HTR1A: variants seen among roughly 807,000 people sequenced by gnomAD.
HTR1A encodes the protein 5-hydroxytryptamine receptor 1A.
HTR1A carries 17 observed loss-of-function variants against 24.6 expected under a neutral mutation model. That is an observed-to-expected ratio of 0.69 (90% confidence interval 0.47 to 1.04). HTR1A has a LOEUF of 1.04. Ranked by LOEUF, HTR1A falls within the 50% of genes least tolerant of loss-of-function variation. The pLI, the probability that HTR1A is intolerant of heterozygous loss-of-function variation, is 0.00. For missense variants in HTR1A, 515 were observed against 565.1 expected, an observed-to-expected ratio of 0.91 and a Z score of 0.90; for synonymous variants, 262 against 244.6, an observed-to-expected ratio of 1.07 and a Z score of -0.67.
chr5:63,960,368 A>T lies in HTR1A; in HGVS notation c.*83T>A. The T allele has an allele frequency of 7.3e-7, 1 of 1,366,686 alleles. No individual in the cohort carries two copies. The highest frequency in any genetic ancestry group is 1.0e-6 in the Non-Finnish European group (1 of 956,188). 84.7% of individuals were successfully genotyped at this position (1,366,686 alleles called of 1,614,324 possible). A position where few individuals can be genotyped will look rare whatever the true frequency, so the allele number is the denominator to read the frequency against. On this transcript the variant is annotated 3_prime_UTR_variant, in exon 1 of 1. Transcript: ENST00000323865. ...AAGAGGAGAAGTGGCGAATTATCTTAAGTGTTGATTCCCTAGGGTTGGGGG... is the reference window on the plus strand; with the variant it reads ...AAGAGGAGAAGTGGCGAATTATCTTTAGTGTTGATTCCCTAGGGTTGGGGG...
rs749057027 is a variant in HTR1A at position 63,960,367 on chromosome 5, T to C, written c.*84A>G. ...AAAGAGGAGAAGTGGCGAATTATCT[T>C]AAGTGTTGATTCCCTAGGGTTGGGG... On this transcript the variant is annotated 3_prime_UTR_variant, in exon 1 of 1. Coordinates refer to ENST00000323865, the MANE Select transcript of HTR1A (RefSeq NM_000524.4). 13 of 1,370,770 alleles carry C rather than the reference T, an allele frequency of 9.5e-6. No homozygotes were observed. The highest frequency in any genetic ancestry group is 2.1e-4 in the Middle Eastern group (1 of 4,756). The allele number at this position is 1,370,770 out of a possible 1,614,324, so 84.9% of individuals were successfully genotyped here. A position where few individuals can be genotyped will look rare whatever the true frequency, so the allele number is the denominator to read the frequency against.
In HTR1A at chr5:63,960,714, C is replaced by T; in HGVS notation, c.1006G>A (p.Ala336Thr). 1 of 1,614,256 alleles carries T rather than the reference C, an allele frequency of 6.2e-7. No individual in the cohort carries two copies. The highest frequency in any genetic ancestry group is 8.5e-7 in the Non-Finnish European group (1 of 1,180,048). Reference sequence around the variant, plus strand: ...ACTGTCTTCCTCTCTCGGGCCAGGGCCATCTTGCGCTTCGCCTCGGCGTTG... The same window carrying T: ...ACTGTCTTCCTCTCTCGGGCCAGGGTCATCTTGCGCTTCGCCTCGGCGTTG... ...ERNAEAKRKM[A>T]LARERKTVKT... Residue 336 changes from alanine (A) to threonine (T), a missense_variant, in exon 1 of 1, where the codon GCC becomes ACC. Ala to Thr is a moderately conservative substitution (Grantham distance 58). Transcript: ENST00000323865.
At position 63,960,588 on chromosome 5, in the gene HTR1A, G is replaced by A. The variant is rs1318556302; in HGVS notation, c.1132C>T (p.Pro378Ser). ...TTGATTATGGCGCCCAACAGGGTGG[G>A]CATGTGGCAGCTGCTCTCGCAGAAG... ...LPFCESSCHMPTLLGAIINWL... is the reference protein window; with the variant it reads ...LPFCESSCHMSTLLGAIINWL... Residue 378 changes from proline (P) to serine (S), a missense_variant, in exon 1 of 1, where the codon CCC becomes TCC. Physicochemically the swap from Pro to Ser is moderately conservative, Grantham distance 74. This residue lies in a region of HTR1A where 381 missense variants were observed against 384.5 expected (regional missense o/e 0.99). Coordinates refer to ENST00000323865, the MANE Select transcript of HTR1A (RefSeq NM_000524.4). 6.2e-7 allele frequency: 1 copy of A among 1,614,240 alleles called. No homozygotes were observed. The highest frequency in any genetic ancestry group is 8.5e-7 in the Non-Finnish European group (1 of 1,180,046).
Position 63,960,821 on chromosome 5 carries a change from T to A in HTR1A, c.899A>T (p.Asn300Ile), listed in dbSNP as rs150096239. 1.2e-6 allele frequency: 2 copies of A among 1,613,786 alleles called. No homozygotes were observed. Among genetic ancestry groups the A allele is most frequent in the East Asian group, 4.5e-5 (2 of 44,838 alleles). Residue 300 changes from asparagine (N) to isoleucine (I), a missense_variant, in exon 1 of 1, where the codon AAC (asparagine) becomes ATC (isoleucine). Physicochemically the swap from Asn to Ile is moderately radical, Grantham distance 149. Around this residue, in one of 3 missense-constraint regions of HTR1A, gnomAD observed 381 missense variants for 384.5 expected, o/e 0.99. Coordinates refer to ENST00000323865, the MANE Select transcript of HTR1A (RefSeq NM_000524.4). ...GGGCAGAGGCAAGTGCTCTTTGGAGTTGCCCACTCGGTGCACCTCGATCAC... is the reference window on the plus strand; with the variant it reads ...GGGCAGAGGCAAGTGCTCTTTGGAGATGCCCACTCGGTGCACCTCGATCAC... The part of the protein sequence containing the change: ...LEVIEVHRVG[N>I]SKEHLPLPSE...
In HTR1A at chr5:63,960,911, T is replaced by TTGCTCTCCACGCCCAGCCTCCAGTTCC. The variant is rs1443824454; in HGVS notation, c.782_808dup (p.Arg261_Ser269dup). 8 of 1,614,010 alleles carry TTGCTCTCCACGCCCAGCCTCCAGTTCC rather than the reference T, an allele frequency of 5.0e-6. No individual in the cohort carries two copies. In the Admixed American group the frequency reaches 1.0e-4, roughly 20 times the overall value. On this transcript the variant is annotated inframe_insertion, in exon 1 of 1. Coordinates refer to ENST00000323865, the MANE Select transcript of HTR1A (RefSeq NM_000524.4). ...ATTGGCGCACAGAGCACCCCCAGCC[T>TTGCTCTCCACGCCCAGCCTCCAGTTCC]TGCTCTCCACGCCCAGCCTCCAGTT...
At position 63,961,080 on chromosome 5, in the gene HTR1A, G is replaced by T; in HGVS notation, c.640C>A (p.Leu214Ile). The change falls in exon 1 of 1, where the codon CTC becomes ATC. Residue 214 changes from leucine (L) to isoleucine (I), a missense_variant. Leu to Ile is a conservative substitution (Grantham distance 5, BLOSUM62 2). Transcript: ENST00000323865. ...GCAGCTCGGAATATGCGCCCATAGAGAACCAGCATGAGCAGCAGCGGGATG... is the reference window on the plus strand; with the variant it reads ...GCAGCTCGGAATATGCGCCCATAGATAACCAGCATGAGCAGCAGCGGGATG... ...FYIPLLLMLV[L>I]YGRIFRAARF... is the part of the protein sequence containing the mutation. The T allele has an allele frequency of 6.2e-7, 1 of 1,614,246 alleles. No homozygotes were observed.
rs936293538 is a variant in HTR1A at position 63,961,827 on chromosome 5, A to G, written c.-108T>C. ...CCCTTCTCCTGGGAAGTTTCGGAGG[A>G]AGGGAATGCAGAGACCCAAGCAGGA... On this transcript the variant is annotated 5_prime_UTR_variant, in exon 1 of 1. Coordinates refer to ENST00000323865, the MANE Select transcript of HTR1A (RefSeq NM_000524.4). 1 of 1,177,936 alleles carries G rather than the reference A, an allele frequency of 8.5e-7. No homozygotes were observed. 73.0% of individuals were successfully genotyped at this position (1,177,936 alleles called of 1,614,324 possible).
Position 63,961,993 on chromosome 5 carries a change from G to C in HTR1A, c.-274C>G, listed in dbSNP as rs1746451018. 1.9e-6 allele frequency: 1 copy of C among 540,528 alleles called. No homozygotes were observed. The highest frequency in any genetic ancestry group is 3.3e-6 in the Non-Finnish European group (1 of 298,790). The allele number at this position is 540,528 out of a possible 1,614,324, so 33.5% of individuals were successfully genotyped here. ...AGCAGCTCCAGGATCTCCCGGCGGC[G>C]GAGAGGTGGCTGGAACGTCTGTCTG... On this transcript the variant is annotated 5_prime_UTR_variant, in exon 1 of 1. Coordinates refer to ENST00000323865, the MANE Select transcript of HTR1A (RefSeq NM_000524.4).
Position 63,958,605 on chromosome 5 carries a change from A to G in HTR1A, c.*1846T>C, listed in dbSNP as rs1746358357. Among the ~76,000 whole-genome samples the G allele has an allele frequency of 6.6e-6, 1 of 152,240 alleles. No homozygotes were observed. Among genetic ancestry groups the G allele is most frequent in the Admixed American group, 6.5e-5 (1 of 15,280 alleles). On this transcript the variant is annotated 3_prime_UTR_variant, in exon 1 of 1. Coordinates refer to ENST00000323865, the MANE Select transcript of HTR1A (RefSeq NM_000524.4). ...TACTTTGTGAATTTTCTGGAAAACA[A>G]GACCATTATTCATAAGAAAATTGGA...
At position 63,960,498 on chromosome 5, in the gene HTR1A, G is replaced by C. The variant is rs1217657912; in HGVS notation, c.1222C>G (p.Gln408Glu). ...VIYAYFNKDF[Q>E]NAFKKIIKCK... is the part of the protein sequence containing the mutation. ...TTAATGATCTTCTTAAACGCGTTTT[G>C]AAAGTCCTTGTTGAAGTATGCGTAA... is the stretch of plus-strand genomic sequence containing the variant. Residue 408 changes from glutamine (Q) to glutamate (E), a missense_variant, in exon 1 of 1, where the codon CAA becomes GAA. Physicochemically the swap from Gln to Glu is conservative, Grantham distance 29 (BLOSUM62 2). Transcript: ENST00000323865. The C allele has an allele frequency of 6.2e-7, 1 of 1,614,228 alleles. No homozygotes were observed. Among genetic ancestry groups the C allele is most frequent in the East Asian group, 2.2e-5 (1 of 44,882 alleles).
Position 63,961,180 on chromosome 5 carries a change from G to A in HTR1A, c.540C>T (p.Asp180=), listed in dbSNP as rs143826173. The A allele has an allele frequency of 3.7e-6, 6 of 1,614,034 alleles. No individual in the cohort carries two copies. In the African/African-American group the frequency reaches 5.3e-5, roughly 14 times the overall value. ...PPMLGWRTPE[D]RSDPDACTIS... ...TGGTGCATGCGTCGGGGTCCGAGCG[G>A]TCTTCCGGGGTGCGCCAGCCCAGCA... The change falls in exon 1 of 1, where the codon GAC becomes GAT. Residue 180 remains aspartate, a synonymous_variant. Coordinates refer to ENST00000323865, the MANE Select transcript of HTR1A (RefSeq NM_000524.4).
rs150835535 is a variant in HTR1A at position 63,960,992 on chromosome 5, C to G, written c.728G>C (p.Gly243Ala). The G allele has an allele frequency of 6.2e-7, 1 of 1,614,034 alleles. No homozygotes were observed. Among genetic ancestry groups the G allele is most frequent in the Non-Finnish European group, 8.5e-7 (1 of 1,180,044 alleles). ...CTTGGGCTGCGGGGCGGGAGATGCT[C>G]CATGGCGGGTGTCCGCTCCGGTCTT... ...VEKTGADTRH[G>A]ASPAPQPKKS... is the part of the protein sequence containing the mutation. Residue 243 changes from glycine (G) to alanine (A), a missense_variant, in exon 1 of 1, where the codon GGA becomes GCA. Physicochemically the swap from Gly to Ala is moderately conservative, Grantham distance 60. Around this residue, in one of 3 missense-constraint regions of HTR1A, gnomAD observed 381 missense variants for 384.5 expected, o/e 0.99. Coordinates refer to ENST00000323865, the MANE Select transcript of HTR1A (RefSeq NM_000524.4).
chr5:63,961,955 G>C lies in HTR1A; in HGVS notation c.-236C>G, dbSNP rs1746450517. ...TTCAGAAGCTCCAGCTGGGAAACTG[G>C]AGTTGGCCTGAAAGCAGCTCCAGGA... On this transcript the variant is annotated 5_prime_UTR_variant, in exon 1 of 1. Coordinates refer to ENST00000323865, the MANE Select transcript of HTR1A (RefSeq NM_000524.4). The C allele has an allele frequency of 1.7e-6, 1 of 580,910 alleles. No homozygotes were observed. The highest frequency in any genetic ancestry group is 3.1e-6 in the Non-Finnish European group (1 of 324,458). The allele number at this position is 580,910 out of a possible 1,614,324, so 36.0% of individuals were successfully genotyped here.
Position 63,958,736 on chromosome 5 carries a change from C to T in HTR1A, c.*1715G>A, listed in dbSNP as rs776626936. 6.6e-6 allele frequency among the ~76,000 whole-genome samples: 1 copy of T among 152,172 alleles called. No individual in the cohort carries two copies. Among genetic ancestry groups the T allele is most frequent in the Non-Finnish European group, 1.5e-5 (1 of 68,036 alleles). On this transcript the variant is annotated 3_prime_UTR_variant, in exon 1 of 1. Coordinates refer to ENST00000323865, the MANE Select transcript of HTR1A (RefSeq NM_000524.4). ...CTTTCTGGGGCAGCAAAGATTTTAA[C>T]CAGTTTCTCGGCAGGAGTGGCAAGG... is the stretch of plus-strand genomic sequence containing the variant.
Position 63,961,600 on chromosome 5 carries a change from A to G in HTR1A, c.120T>C (p.Ser40=). ...AGAAGATGAGCGTGCCCAGCAGCAG[A>G]GAGGTGATCACTTGGTAGCTGACGG... is the stretch of plus-strand genomic sequence containing the variant. ...DVTVSYQVIT[S]LLLGTLIFCA... Residue 40 remains serine (S), a synonymous_variant, in exon 1 of 1, where the codon TCT becomes TCC. Coordinates refer to ENST00000323865, the MANE Select transcript of HTR1A (RefSeq NM_000524.4). 6.2e-7 allele frequency: 1 copy of G among 1,614,082 alleles called. No individual in the cohort carries two copies. Among genetic ancestry groups the G allele is most frequent in the Non-Finnish European group, 8.5e-7 (1 of 1,180,046 alleles).
In HTR1A at chr5:63,960,259, G is replaced by T; in HGVS notation, c.*192C>A. ...CTGGGCTCTCAACGCTCCTCCGCTG[G>T]GTCTCCTTTGCACAAAGGGCCCTGC... On this transcript the variant is annotated 3_prime_UTR_variant, in exon 1 of 1. Coordinates refer to ENST00000323865, the MANE Select transcript of HTR1A (RefSeq NM_000524.4). 1.5e-6 allele frequency: 1 copy of T among 666,142 alleles called. No individual in the cohort carries two copies. Among genetic ancestry groups the T allele is most frequent in the Non-Finnish European group, 2.7e-6 (1 of 375,260 alleles). The allele number at this position is 666,142 out of a possible 1,614,324, so 41.3% of individuals were successfully genotyped here.
At position 63,960,811 on chromosome 5, in the gene HTR1A, C is replaced by G. The variant is rs1746414813; in HGVS notation, c.909G>C (p.Glu303Asp). ...CAGCCTCGCTGGGCAGAGGCAAGTG[C>G]TCTTTGGAGTTGCCCACTCGGTGCA... Reference protein sequence around the residue: ...IEVHRVGNSKEHLPLPSEAGP... With the variant: ...IEVHRVGNSKDHLPLPSEAGP... The change falls in exon 1 of 1, where the codon GAG (glutamate) becomes GAC (aspartate). Residue 303 changes from glutamate to aspartate, a missense_variant. By Grantham distance (45) the Glu-to-Asp change is conservative. Coordinates refer to ENST00000323865, the MANE Select transcript of HTR1A (RefSeq NM_000524.4). 2 of 1,614,032 alleles carry G rather than the reference C, an allele frequency of 1.2e-6. No homozygotes were observed. Among genetic ancestry groups the G allele is most frequent in the Non-Finnish European group, 1.7e-6 (2 of 1,180,008 alleles).
rs1281718166 is a variant in HTR1A, at chr5:63,959,119, A to G, written c.*1332T>C. ...CTAAACAGAATTATTCCCCGATCCA[A>G]AAAGGACAAGAGCGTGAATTAGGAG... On this transcript the variant is annotated 3_prime_UTR_variant, in exon 1 of 1. Coordinates refer to ENST00000323865, the MANE Select transcript of HTR1A (RefSeq NM_000524.4). 5.9e-5 allele frequency among the ~76,000 whole-genome samples: 9 copies of G among 152,218 alleles called. No individual in the cohort carries two copies. The highest frequency in any genetic ancestry group is 1.5e-5 in the Non-Finnish European group (1 of 68,042).
rs1337905645 is a variant in HTR1A at position 63,960,497 on chromosome 5, T to C, written c.1223A>G (p.Gln408Arg). ...CTTAATGATCTTCTTAAACGCGTTT[T>C]GAAAGTCCTTGTTGAAGTATGCGTA... Reference protein sequence around the residue: ...VIYAYFNKDFQNAFKKIIKCK... With the variant: ...VIYAYFNKDFRNAFKKIIKCK... Residue 408 changes from glutamine to arginine, a missense_variant, in exon 1 of 1, where the codon CAA becomes CGA. Transcript: ENST00000323865. 6.2e-7 allele frequency: 1 copy of C among 1,614,184 alleles called. No homozygotes were observed. Among genetic ancestry groups the C allele is most frequent in the South Asian group, 1.1e-5 (1 of 91,082 alleles).
Sources: gnomAD v4.1 joint callset for allele counts (sites outside exome capture counted in the v4.1 genomes callset) on GRCh38, gnomAD v4.1.1 for gene constraint, gnomAD v4.1.1 regional missense constraint, MANE v1.5 for transcripts, NCBI Gene and HGNC (gene_info 2026-07-23, HGNC 2026-07-21) for gene names.